The following BICDL1 variants were observed in gnomAD, a reference collection of about 807,000 sequenced individuals.
The protein encoded by BICDL1 is BICD family-like cargo adapter 1.
BICDL1 carries 20 observed loss-of-function variants against 76.8 expected under a neutral mutation model. The observed-to-expected ratio is 0.26, with a 90% CI of 0.18 to 0.38. BICDL1 has a LOEUF of 0.38. Among genes scored for constraint, BICDL1 ranks in the 10% least tolerant of loss-of-function variants. The probability of loss-of-function intolerance (pLI) is 1.00; values close to 1 mark genes in which losing one functional copy is unlikely to be tolerated. For synonymous variants in BICDL1, 383 were observed against 337.1 expected (o/e 1.14, Z -1.49); for missense variants, 700 against 798.6 (o/e 0.88, Z 1.49).
At chr12:120,056,472 G>A (rs1337235448) in intron 2 of BICDL1, among the ~76,000 whole-genome samples, 2 of 152,186 alleles carry the variant, frequency 1.3e-5, no homozygotes, top group East Asian at 1.9e-4. Context: ...TGTAATCCTA[G>A]CACTTTGGGA....
chr12:120,072,761 C>T, intron 6 of BICDL1, 32 bp downstream of exon 6: 2 of 1,586,482 alleles, frequency 1.3e-6, no homozygotes, highest in Non-Finnish European at 1.7e-6. Flanking sequence ...GTCCTTACCC[C>T]ACAGGAGCTG....
At position 120,074,490 on chromosome 12, in the gene BICDL1, G is replaced by A; in HGVS notation, c.1356G>A (p.Gln452=). 7.8e-7 allele frequency: 1 copy of A among 1,279,268 alleles called. No individual in the cohort carries two copies. The highest frequency in any genetic ancestry group is 1.5e-5 in the African/African-American group (1 of 65,418). 79.2% of individuals were successfully genotyped at this position (1,279,268 alleles called of 1,614,324 possible). ...ACTCCTTAGAAGAACAGATAAGGCA[G>A]ACCAGTGAGGACTCGAGAGCCCTAA... ...DDDSLEEQIR[Q]TSEDSRALRE... The change falls in exon 7 of 10, where the codon CAG becomes CAA. Residue 452 remains glutamine, a synonymous_variant. Transcript: ENST00000548673.
At chr12:120,026,694 A>G (rs552326527) in intron 2 of BICDL1, among the ~76,000 whole-genome samples, 67 of 152,362 alleles carry the variant, frequency 4.4e-4, no homozygotes, top group African/African-American at 1.6e-3. Flanking sequence ...GCCTGATGCA[A>G]CTTCCCAGCA....
At chr12:120,001,358 TG>T (rs1217782683) in intron 2 of BICDL1, among the ~76,000 whole-genome samples, 13 of 152,188 alleles carry the variant, frequency 8.5e-5, no homozygotes, top group Non-Finnish European at 1.5e-4. Flanking sequence ...GACATTCTCT[TG>T]CCTCAGCCTC....
At chr12:120,074,989 TTC>T (rs1873422107) in intron 7 of BICDL1, among the ~76,000 whole-genome samples, 1 of 152,246 alleles carries the variant, frequency 6.6e-6, no homozygotes, top group African/African-American at 2.4e-5. Flanking sequence ...GTGCCATCAC[TTC>T]TCTCAGCCTG....
At chr12:120,020,323 C>T (rs946200290) in intron 2 of BICDL1, among the ~76,000 whole-genome samples, 19 of 152,234 alleles carry the variant, frequency 1.2e-4, no homozygotes, top group African/African-American at 3.1e-4. Context: ...CTTAATTGGC[C>T]GAAGGCGGGA....
intron 3 of BICDL1, among the ~76,000 whole-genome samples, chr12:120,062,639 G>C (rs563464415): frequency 6.6e-6 from 1 of 152,120 alleles, no homozygotes; most frequent in Non-Finnish European, 1.5e-5. Flanking sequence ...TGCCCTGCTC[G>C]GTAAATGACC....
chr12:120,026,691 G>A (rs1952310111), intron 2 of BICDL1, among the ~76,000 whole-genome samples: 1 of 152,240 alleles, frequency 6.6e-6, no homozygotes, highest in Non-Finnish European at 1.5e-5. Flanking sequence ...ATTGCCTGAT[G>A]CAACTTCCCA....
At position 120,092,396 on chromosome 12, in the gene BICDL1, C is replaced by T. The variant is rs1036688910; in HGVS notation, c.1705-604C>T. On this transcript the variant is annotated intron_variant, in intron 9 of 9. Transcript: ENST00000548673. Reference sequence around the variant, plus strand: ...ACAGCCCCTGAAGACCGTGAGGCCCCTGGCCTCTGCCGCAGATGGGAGCCT... The same window carrying T: ...ACAGCCCCTGAAGACCGTGAGGCCCTTGGCCTCTGCCGCAGATGGGAGCCT... 1.5e-5 allele frequency: 15 copies of T among 985,330 alleles called. No individual in the cohort carries two copies. The African/African-American group carries it at 2.4e-4, about 16-fold the overall frequency. The allele number at this position is 985,330 out of a possible 1,614,324, so 61.0% of individuals were successfully genotyped here.
chr12:120,057,153 C>A, intron 2 of BICDL1: 1 of 515,690 alleles, frequency 1.9e-6, no homozygotes, highest in South Asian at 1.4e-5. Context: ...CCAATTATTA[C>A]AGAGAAATTA....
intron 9 of BICDL1, chr12:120,090,728 A>C: frequency 2.5e-6 from 1 of 396,232 alleles, no homozygotes; most frequent in East Asian, 7.2e-5. Context: ...GTGGCTTTAC[A>C]AGGTAAGCCC....
chr12:120,050,138 A>T (rs1442284938), intron 2 of BICDL1, among the ~76,000 whole-genome samples: 1 of 152,134 alleles, frequency 6.6e-6, no homozygotes, highest in Non-Finnish European at 1.5e-5. Context: ...TGTTTTGCTC[A>T]TTTAAAAAAT....
Position 120,044,545 on chromosome 12 carries a change from G to A in BICDL1, c.646-17165G>A, listed in dbSNP as rs139183872. ...TTCCCCTAGCCTTCCTGTTTATTACGAAAAGGTTCTCAATTTCTTTTCCAA... is the reference window on the plus strand; with the variant it reads ...TTCCCCTAGCCTTCCTGTTTATTACAAAAAGGTTCTCAATTTCTTTTCCAA... On this transcript the variant is annotated intron_variant, in intron 2 of 9. Transcript: ENST00000548673. Among the ~76,000 whole-genome samples, 107 of 152,234 alleles carry A rather than the reference G, an allele frequency of 7.0e-4. 1 individual carries two copies. Among genetic ancestry groups the A allele is most frequent in the African/African-American group, 2.5e-3 (102 of 41,538 alleles).
intron 2 of BICDL1, among the ~76,000 whole-genome samples, chr12:120,029,358 C>G (rs943014061): frequency 6.6e-6 from 1 of 152,154 alleles, no homozygotes; most frequent in African/African-American, 2.4e-5. Context: ...CTATAGAACA[C>G]AGTCTATGAC....
At position 120,094,223 on chromosome 12, in the gene BICDL1, C is replaced by A. The variant is rs995062600; in HGVS notation, c.*1062C>A. Reference sequence around the variant, plus strand: ...CCCAGGCCCCAACTCAGAGGCTCCGCGGCCCGGCCAGCCCTCAGCTGCTCA... The same window carrying A: ...CCCAGGCCCCAACTCAGAGGCTCCGAGGCCCGGCCAGCCCTCAGCTGCTCA... On this transcript the variant is annotated 3_prime_UTR_variant, in exon 10 of 10. Coordinates refer to ENST00000548673, the MANE Select transcript of BICDL1 (RefSeq NM_001367886.1). 1.8e-5 allele frequency: 8 copies of A among 456,392 alleles called. No homozygotes were observed. Among genetic ancestry groups the A allele is most frequent in the African/African-American group, 8.0e-5 (4 of 50,054 alleles). 28.3% of individuals were successfully genotyped at this position (456,392 alleles called of 1,614,324 possible).
At chr12:119,996,979 C>T (rs1232519909) in intron 1 of BICDL1, among the ~76,000 whole-genome samples, 3 of 148,672 alleles carry the variant, frequency 2.0e-5, no homozygotes, top group South Asian at 2.1e-4. Context: ...GACGGAGTCT[C>T]GCTCCGTCGT....
At chr12:120,022,258 G>A (rs1330940654) in intron 2 of BICDL1, among the ~76,000 whole-genome samples, 1 of 150,530 alleles carries the variant, frequency 6.6e-6, no homozygotes, top group African/African-American at 2.4e-5. Flanking sequence ...TATATGGGAT[G>A]GAAATTTGTT....
intron 2 of BICDL1, among the ~76,000 whole-genome samples, chr12:120,058,751 C>T (rs12300815): frequency 0.012 from 1,801 of 151,996 alleles, 28 homozygotes; most frequent in African/African-American, 0.04. Context: ...CCACCACGCC[C>T]GCCTTATTTT....
At chr12:120,061,650 C>A in intron 2 of BICDL1, 60 bp from the exon 3 acceptor site, 1 of 1,160,394 alleles carries the variant, frequency 8.6e-7, no homozygotes, top group Non-Finnish European at 1.3e-6. Context: ...AAAGCAGAAA[C>A]CTTAACAGAG....
Sources: allele counts gnomAD v4.1 joint callset (sites outside exome capture counted in the v4.1 genomes callset), GRCh38; gene constraint gnomAD v4.1.1; transcripts MANE v1.5; gene names NCBI Gene and HGNC (gene_info 2026-07-23, HGNC 2026-07-21).